ELOVL6: variants seen among roughly 807,000 people sequenced by gnomAD.
ELOVL6 encodes the protein very long chain fatty acid elongase 6.
A neutral mutation model predicts 31.7 loss-of-function variants in ELOVL6; 8 were observed. The ratio of observed to expected loss-of-function variants is 0.25; its 90% CI spans 0.15 to 0.45. The LOEUF is 0.45. ELOVL6 is among the 20% of genes least tolerant of loss of function. ELOVL6 has a pLI of 1.00. For missense variants in ELOVL6, 126 were observed against 326.4 expected, an observed-to-expected ratio of 0.39 and a Z score of 4.73; for synonymous variants, 101 against 117.7, an observed-to-expected ratio of 0.86 and a Z score of 0.92.
intron 1 of ELOVL6, among the ~76,000 whole-genome samples, chr4:110,180,071 CCTT>C (rs756966202): frequency 5.3e-5 from 8 of 152,158 alleles, no homozygotes; most frequent in Non-Finnish European, 1.0e-4. Context: ...TGAGGATGAG[CCTT>C]CTGTTACTTA....
chr4:110,141,223 C>T lies in ELOVL6; in HGVS notation c.90-35595G>A, dbSNP rs543830335. Among the ~76,000 whole-genome samples, 6 of 152,178 alleles carry T rather than the reference C, an allele frequency of 3.9e-5. No individual in the cohort carries two copies. In the South Asian group the frequency reaches 1.2e-3, roughly 32 times the overall value. ...GGACTACAGGCATGAGCCACCACAC[C>T]CAGCTAATTTTGTATTTTTAGTAGA... On this transcript the variant is annotated intron_variant, in intron 1 of 3. Coordinates refer to ENST00000302274, the MANE Select transcript of ELOVL6 (RefSeq NM_024090.3).
At chr4:110,159,688 G>A (rs1758574336) in intron 1 of ELOVL6, among the ~76,000 whole-genome samples, 1 of 151,984 alleles carries the variant, frequency 6.6e-6, no homozygotes, top group Non-Finnish European at 1.5e-5. Context: ...ATTAACACAT[G>A]AGACGTTGGT....
intron 1 of ELOVL6, among the ~76,000 whole-genome samples, chr4:110,115,640 T>G (rs1757149521): frequency 6.6e-6 from 1 of 152,200 alleles, no homozygotes; most frequent in African/African-American, 2.4e-5. Context: ...GCTTTCATAC[T>G]GCTCCTTCAA....
intron 2 of ELOVL6, among the ~76,000 whole-genome samples, chr4:110,087,861 T>C (rs967350367): frequency 6.6e-6 from 1 of 151,674 alleles, no homozygotes; most frequent in Non-Finnish European, 1.5e-5. Flanking sequence ...ATACTTCCAA[T>C]CAAAGAGATT....
intron 1 of ELOVL6, among the ~76,000 whole-genome samples, chr4:110,191,668 C>A (rs909669585): frequency 6.6e-6 from 1 of 152,120 alleles, no homozygotes; most frequent in Non-Finnish European, 1.5e-5. Context: ...TGGTGCCACA[C>A]TCATTTTACT....
intron 3 of ELOVL6, among the ~76,000 whole-genome samples, chr4:110,053,401 C>T (rs546494755): frequency 1.3e-5 from 2 of 152,314 alleles, no homozygotes; most frequent in Admixed American, 6.5e-5. Context: ...GTTCTAATGG[C>T]AGTGGCTGGA....
chr4:110,090,596 C>CTTCCTT (rs1206850406), intron 2 of ELOVL6, among the ~76,000 whole-genome samples: 2 of 82,582 alleles, frequency 2.4e-5, no homozygotes, highest in African/African-American at 1.5e-4. Flanking sequence ...GAAAGTTTGA[C>CTTCCTT]TTTCTTTTTT....
intron 2 of ELOVL6, among the ~76,000 whole-genome samples, chr4:110,069,993 C>T (rs1010278288): frequency 5.3e-5 from 8 of 152,178 alleles, no homozygotes; most frequent in African/African-American, 1.4e-4. Context: ...TGATAAAGAA[C>T]GGTGCCTTTC....
chr4:110,175,146 G>T (rs2126275164), intron 1 of ELOVL6, among the ~76,000 whole-genome samples: 1 of 152,252 alleles, frequency 6.6e-6, no homozygotes. Flanking sequence ...TACTTTGGGA[G>T]GCTGAGGCGG....
intron 1 of ELOVL6, among the ~76,000 whole-genome samples, chr4:110,197,194 C>T (rs1759832491): frequency 1.3e-5 from 2 of 152,318 alleles, no homozygotes; most frequent in Admixed American, 1.3e-4. Flanking sequence ...TGCCTAGCTC[C>T]GGGGTGCGTT....
At chr4:110,129,462 T>C (rs553474780) in intron 1 of ELOVL6, among the ~76,000 whole-genome samples, 1 of 152,354 alleles carries the variant, frequency 6.6e-6, no homozygotes, top group South Asian at 2.1e-4. Context: ...AGGCTAAGTA[T>C]GGCAATATGA....
chr4:110,077,517 C>T (rs1042001606), intron 2 of ELOVL6, among the ~76,000 whole-genome samples: 1 of 152,198 alleles, frequency 6.6e-6, no homozygotes, highest in Non-Finnish European at 1.5e-5. Context: ...AACAGACCTG[C>T]AGCTGTGGGT....
chr4:110,059,950 C>T, intron 2 of ELOVL6, 196 bp from the exon 3 acceptor site: 1 of 500,566 alleles, frequency 2.0e-6, no homozygotes, highest in Non-Finnish European at 3.5e-6. Flanking sequence ...TATTCTGAAA[C>T]CATATATGAT....
intron 1 of ELOVL6, among the ~76,000 whole-genome samples, chr4:110,120,465 A>G (rs926136309): frequency 6.6e-6 from 1 of 152,212 alleles, no homozygotes; most frequent in African/African-American, 2.4e-5. Context: ...CAATAGTTAA[A>G]AAGTATTACT....
chr4:110,106,909 C>T (rs911306623), intron 1 of ELOVL6, among the ~76,000 whole-genome samples: 73 of 152,068 alleles, frequency 4.8e-4, no homozygotes, highest in African/African-American at 1.4e-3. Flanking sequence ...AACTATGATT[C>T]GACTGAAAGC....
intron 1 of ELOVL6, among the ~76,000 whole-genome samples, chr4:110,148,064 G>A (rs182902165): frequency 6.8e-6 from 1 of 146,756 alleles, no homozygotes; most frequent in East Asian, 2.0e-4. Context: ...AGCCGAGATT[G>A]TGCCATTGCA....
intron 2 of ELOVL6, among the ~76,000 whole-genome samples, chr4:110,101,656 T>C (rs920007734): frequency 3.3e-5 from 5 of 152,172 alleles, no homozygotes; most frequent in African/African-American, 1.2e-4. Context: ...TGAAATTTTT[T>C]ATTTATCCAT....
At chr4:110,063,050 C>A (rs1285364576) in intron 2 of ELOVL6, among the ~76,000 whole-genome samples, 1 of 152,108 alleles carries the variant, frequency 6.6e-6, no homozygotes, top group East Asian at 1.9e-4. Flanking sequence ...ACTATTATTG[C>A]TGATTTACTT....
intron 2 of ELOVL6, chr4:110,093,148 A>G: frequency 2.2e-6 from 1 of 447,186 alleles, no homozygotes; most frequent in Non-Finnish European, 4.5e-6. Context: ...TAATGCAAAG[A>G]TATTACAGAA....
Sources: allele counts gnomAD v4.1 joint callset (sites outside exome capture counted in the v4.1 genomes callset), GRCh38; gene constraint gnomAD v4.1.1; transcripts MANE v1.5; gene names NCBI Gene and HGNC (gene_info 2026-07-23, HGNC 2026-07-21).